The following CRYBG2 variants were observed in gnomAD, a reference collection of about 807,000 sequenced individuals.
CRYBG2 encodes beta/gamma crystallin domain-containing protein 2.
CRYBG2 carries 106 observed loss-of-function variants against 153.4 expected under a neutral mutation model. The observed-to-expected ratio is 0.69, with a 90% CI of 0.59 to 0.81. CRYBG2 has a LOEUF of 0.81. Ranked by LOEUF, CRYBG2 falls within the 30% of genes least tolerant of loss-of-function variation. CRYBG2 has a pLI of 0.00. For missense variants in CRYBG2, 1,996 were observed against 2,112.0 expected (o/e 0.95, Z 1.08); for synonymous variants, 851 against 877.8 (o/e 0.97, Z 0.54).
chr1:26,331,442 G>A, intron 15 of CRYBG2, 47 bp downstream of exon 15: 1 of 1,593,356 alleles, frequency 6.3e-7, no homozygotes, highest in Non-Finnish European at 8.6e-7. Flanking sequence ...TCCCACAGCA[G>A]CAACTTCTGC....
At chr1:26,330,511 T>C (rs928633747) in intron 15 of CRYBG2, among the ~76,000 whole-genome samples, 8 of 149,108 alleles carry the variant, frequency 5.4e-5, no homozygotes, top group Non-Finnish European at 1.0e-4. Context: ...TGGAGAAGAT[T>C]AAAAGGCTTT....
At chr1:26,340,266 G>C (rs952415833) in intron 5 of CRYBG2, among the ~76,000 whole-genome samples, 2 of 152,174 alleles carry the variant, frequency 1.3e-5, no homozygotes, top group African/African-American at 4.8e-5. Flanking sequence ...ACTGTGCTAA[G>C]GTCATGTCCT....
Position 26,336,122 on chromosome 1 carries a change from G to C in CRYBG2, c.4157C>G (p.Pro1386Arg), listed in dbSNP as rs959516552. 2.6e-6 allele frequency: 4 copies of C among 1,516,444 alleles called. No individual in the cohort carries two copies. The African/African-American group carries it at 5.5e-5, about 21-fold the overall frequency. The allele number at this position is 1,516,444 out of a possible 1,614,324, so 93.9% of individuals were successfully genotyped here. Reference sequence around the variant, plus strand: ...GCCGCCGTGGACCCGGCAGGACTGAGGTCGGAAGGAGGCGGGCAGAGCGGC... The same window carrying C: ...GCCGCCGTGGACCCGGCAGGACTGACGTCGGAAGGAGGCGGGCAGAGCGGC... Reference protein sequence around the residue: ...DQAALPASFRPQSCRVHGGSW... With the variant: ...DQAALPASFRRQSCRVHGGSW... The change falls in exon 14 of 20, where the codon CCT becomes CGT. Residue 1386 changes from proline (P) to arginine (R), a missense_variant. Physicochemically the swap from Pro to Arg is moderately radical, Grantham distance 103 (BLOSUM62 -2). Coordinates refer to ENST00000308182, the MANE Select transcript of CRYBG2 (RefSeq NM_001039775.4). This position sits in a 1 kb window ranked among gnomAD's most constrained non-coding sequence, Gnocchi z 4.9.
In CRYBG2 at chr1:26,342,809, G is replaced by A. The variant is rs1271007128; in HGVS notation, c.3149C>T (p.Thr1050Ile). The change falls in exon 5 of 20, where the codon ACC becomes ATC. Residue 1050 changes from threonine to isoleucine, a missense_variant. Transcript: ENST00000308182. Reference sequence around the variant, plus strand: ...TTGGGGACTCCACTTTGTCCCTGGGGTTCTGAGTTCCATGTCTCCTTCAGG... The same window carrying A: ...TTGGGGACTCCACTTTGTCCCTGGGATTCTGAGTTCCATGTCTCCTTCAGG... The part of the protein sequence containing the change: ...VLPEGDMELR[T>I]PGTKWSPQGI... The A allele has an allele frequency of 3.7e-6, 6 of 1,614,102 alleles. No individual in the cohort carries two copies. Among genetic ancestry groups the A allele is most frequent in the South Asian group, 1.1e-5 (1 of 91,078 alleles).
chr1:26,340,872 C>T (rs1191866825), intron 5 of CRYBG2, among the ~76,000 whole-genome samples: 1 of 151,880 alleles, frequency 6.6e-6, no homozygotes, highest in African/African-American at 2.4e-5. Flanking sequence ...CTGCCTCAGC[C>T]TCCCAAAGTG....
chr1:26,332,776 G>T (rs1235739304), intron 14 of CRYBG2, among the ~76,000 whole-genome samples: 2 of 151,668 alleles, frequency 1.3e-5, no homozygotes, highest in Non-Finnish European at 2.9e-5. Flanking sequence ...AGAGTGCTGG[G>T]ATTACAGGCA....
In CRYBG2 at chr1:26,346,652, C is replaced by T. The variant is rs375223401; in HGVS notation, c.6G>A (p.Glu2=). Residue 2 remains glutamate (E), a synonymous_variant, in exon 2 of 20, where the codon GAG becomes GAA. Coordinates refer to ENST00000308182, the MANE Select transcript of CRYBG2 (RefSeq NM_001039775.4). The surrounding 1 kb of genome is among the most constrained non-coding windows in gnomAD (Gnocchi z 4.9). ...CCCGGGCCATGGGCCCACCTGCCTC[C>T]TCCATGTGGGGCCCTGGCAACCTGT... M[E]EAGGPMARAK... The T allele has an allele frequency of 6.4e-5, 99 of 1,537,410 alleles. No individual in the cohort carries two copies. In the East Asian group the frequency reaches 1.6e-3, roughly 24 times the overall value.
intron 15 of CRYBG2, among the ~76,000 whole-genome samples, chr1:26,329,503 A>G (rs2073974606): frequency 1.4e-5 from 2 of 142,256 alleles, no homozygotes; most frequent in Admixed American, 1.4e-4. Flanking sequence ...TTTTTGAGAT[A>G]GGGTCTCGCT....
Position 26,336,136 on chromosome 1 carries a change from G to A in CRYBG2, c.4143C>T (p.Pro1381=), listed in dbSNP as rs367691052. 4.6e-6 allele frequency: 7 copies of A among 1,528,350 alleles called. No individual in the cohort carries two copies. The African/African-American group carries it at 8.3e-5, about 18-fold the overall frequency. The allele number at this position is 1,528,350 out of a possible 1,614,324, so 94.7% of individuals were successfully genotyped here. Residue 1381 remains proline (P), a synonymous_variant, in exon 14 of 20, where the codon CCC becomes CCT. Transcript: ENST00000308182. The surrounding 1 kb of genome is among the most constrained non-coding windows in gnomAD (Gnocchi z 4.9). ...GGCAGGACTGAGGTCGGAAGGAGGC[G>A]GGCAGAGCGGCCTGGTCATCTTCGA... ...FSFEDDQAAL[P]ASFRPQSCRV... is the part of the protein sequence containing the mutation.
At chr1:26,338,237 G>A (rs1224363769) in intron 7 of CRYBG2, 114 bp downstream of exon 7, 2 of 1,486,432 alleles carry the variant, frequency 1.3e-6, no homozygotes, top group Admixed American at 4.4e-5. Flanking sequence ...AGTCTCCAAG[G>A]GGTGCTGTTT....
chr1:26,347,385 C>T (rs147938395), intron 1 of CRYBG2, among the ~76,000 whole-genome samples: 1,606 of 150,240 alleles, frequency 0.011, 36 homozygotes, highest in African/African-American at 0.037. Context: ...CCTTGAACTC[C>T]TGGGCTCAAG....
chr1:26,351,724 G>T (rs774762960), intron 1 of CRYBG2, among the ~76,000 whole-genome samples: 2 of 152,118 alleles, frequency 1.3e-5, no homozygotes, highest in African/African-American at 2.4e-5. Flanking sequence ...ACAAGCATGT[G>T]GTCATTGGCT....
intron 1 of CRYBG2, among the ~76,000 whole-genome samples, chr1:26,352,763 T>C (rs2074300122): frequency 8.0e-6 from 1 of 124,434 alleles, no homozygotes; most frequent in Non-Finnish European, 1.7e-5. Flanking sequence ...CTCTTTCCCG[T>C]CCCCCTCTCC....
At chr1:26,337,964 C>A in intron 8 of CRYBG2, 48 bp downstream of exon 8, 2 of 1,600,298 alleles carry the variant, frequency 1.2e-6, no homozygotes, top group Non-Finnish European at 8.5e-7. Flanking sequence ...CAAACACCTG[C>A]ACCCCGCCAC....
At position 26,354,100 on chromosome 1, in the gene CRYBG2, G is replaced by T. The variant is rs563896986; in HGVS notation, c.-120C>A. 2 of 399,608 alleles carry T rather than the reference G, an allele frequency of 5.0e-6. No homozygotes were observed. The highest frequency in any genetic ancestry group is 8.8e-6 in the Non-Finnish European group (2 of 226,664). The allele number at this position is 399,608 out of a possible 1,614,324, so 24.8% of individuals were successfully genotyped here. A position where few individuals can be genotyped will look rare whatever the true frequency, so the allele number is the denominator to read the frequency against. Reference sequence around the variant, plus strand: ...AGCCTGGAGCTCCTGCTGCTGGGCCGTGCTCCCCTGATGCGATTGGGCTCT... The same window carrying T: ...AGCCTGGAGCTCCTGCTGCTGGGCCTTGCTCCCCTGATGCGATTGGGCTCT... On this transcript the variant is annotated 5_prime_UTR_variant, in exon 1 of 20. Coordinates refer to ENST00000308182, the MANE Select transcript of CRYBG2 (RefSeq NM_001039775.4).
intron 18 of CRYBG2, among the ~76,000 whole-genome samples, chr1:26,323,945 C>A (rs2073889510): frequency 6.6e-6 from 1 of 152,204 alleles, no homozygotes; most frequent in Non-Finnish European, 1.5e-5. Context: ...CCCTTAGAAG[C>A]ACCCAGTTCA....
In CRYBG2 at chr1:26,345,026, G is replaced by A. The variant is rs1028147620; in HGVS notation, c.1632C>T (p.Thr544=). 5.2e-6 allele frequency: 4 copies of A among 775,572 alleles called. No individual in the cohort carries two copies. In the Admixed American group the frequency reaches 9.7e-5, roughly 19 times the overall value. 48.0% of individuals were successfully genotyped at this position (775,572 alleles called of 1,614,324 possible). A position where few individuals can be genotyped will look rare whatever the true frequency, so the allele number is the denominator to read the frequency against. The change falls in exon 2 of 20, where the codon ACC becomes ACT. Residue 544 remains threonine, a synonymous_variant. Transcript: ENST00000308182. ...CAGGGCCCTTCACAACCTCTTTCCA[G>A]GTGGGAAATGAGGCATCAGGAGCAC... The part of the protein sequence containing the change: ...GPGAPDASFP[T]WKEVVKGPGA...
intron 18 of CRYBG2, among the ~76,000 whole-genome samples, chr1:26,323,627 GT>G (rs933561792): frequency 2.0e-5 from 3 of 150,206 alleles, no homozygotes; most frequent in South Asian, 2.1e-4. Flanking sequence ...TTTTATTTTT[GT>G]TTTTTTTTGA....
At position 26,336,280 on chromosome 1, in the gene CRYBG2, G is replaced by A; in HGVS notation, c.4071+58C>T. ...GCCGAGAACAGCGGGGAGGGGAAAG[G>A]TCCGAAATGAGGGGAGAGACGTGAG... On this transcript the variant is annotated intron_variant, in intron 13 of 19. Coordinates refer to ENST00000308182, the MANE Select transcript of CRYBG2 (RefSeq NM_001039775.4). The surrounding 1 kb of genome is among the most constrained non-coding windows in gnomAD (Gnocchi z 4.9). 1 of 1,606,840 alleles carries A rather than the reference G, an allele frequency of 6.2e-7. No individual in the cohort carries two copies. Among genetic ancestry groups the A allele is most frequent in the Non-Finnish European group, 8.5e-7 (1 of 1,175,908 alleles).
Sources: gnomAD v4.1 joint callset for allele counts (sites outside exome capture counted in the v4.1 genomes callset) on GRCh38, gnomAD v4.1.1 for gene constraint, Gnocchi (gnomAD v3.1) non-coding constraint, MANE v1.5 for transcripts, NCBI Gene and HGNC (gene_info 2026-07-23, HGNC 2026-07-21) for gene names.